Variants in ZNF839 observed in about 807,000 individuals in gnomAD.
The protein encoded by ZNF839 is zinc finger protein 839.
ZNF839 carries 38 observed loss-of-function variants against 56.4 expected under a neutral mutation model. That is an observed-to-expected ratio of 0.67 (90% confidence interval 0.52 to 0.88). ZNF839 has a LOEUF of 0.88. Among genes scored for constraint, ZNF839 ranks in the 40% least tolerant of loss-of-function variants. The pLI is 0.00. For missense variants in ZNF839, 1,091 were observed against 1,177.6 expected (o/e 0.93, Z 1.08); for synonymous variants, 486 against 493.5 (o/e 0.98, Z 0.20).
Position 102,341,742 on chromosome 14 carries a change from C to T in ZNF839, c.2347C>T (p.Gln783Ter), listed in dbSNP as rs1243127398. Reference sequence around the variant, plus strand: ...GGTTTGTGACTTCCACCTGAACCACCAGCAGCCCAGCCCCACCAGCGTCCT... The same window carrying T: ...GGTTTGTGACTTCCACCTGAACCACTAGCAGCCCAGCCCCACCAGCGTCCT... ...GKVCDFHLNHQQPSPTSVLPT... is the reference protein window; with the variant it reads ...GKVCDFHLNH Residue 783 changes from glutamine to a stop codon, truncating the protein, a stop_gained, in exon 8 of 8, where the codon CAG becomes TAG. Coordinates refer to ENST00000442396, the MANE Select transcript of ZNF839 (RefSeq NM_018335.6). LOFTEE classifies it low-confidence loss of function (END_TRUNC). The T allele has an allele frequency of 1.9e-6, 3 of 1,614,006 alleles. No individual in the cohort carries two copies. Among genetic ancestry groups the T allele is most frequent in the South Asian group, 2.2e-5 (2 of 91,084 alleles).
At position 102,338,808 on chromosome 14, in the gene ZNF839, C is replaced by A; in HGVS notation, c.1660-8C>A. 6.2e-7 allele frequency: 1 copy of A among 1,613,514 alleles called. No individual in the cohort carries two copies. The highest frequency in any genetic ancestry group is 8.5e-7 in the Non-Finnish European group (1 of 1,179,674). On this transcript the variant is annotated splice_region_variant and splice_polypyrimidine_tract_variant and intron_variant, in intron 5 of 7. Transcript: ENST00000442396. ...TGAAGTTTATTCTCTTGGCCCATTT[C>A]TTTTCAGGTTGCTGAGTCATTAGGA...
chr14:102,333,925 C>T (rs2073904787), intron 3 of ZNF839, among the ~76,000 whole-genome samples: 1 of 152,236 alleles, frequency 6.6e-6, no homozygotes, highest in South Asian at 2.1e-4. Context: ...TCACTCCTCC[C>T]CATGTCCTGT....
Position 102,335,857 on chromosome 14 carries a change from A to G in ZNF839, c.1659+19A>G. ...TGATAAGGTAACAATCTCCCATGGC[A>G]GAAAGAGTTTTGCTCATAGAGTTAG... On this transcript the variant is annotated intron_variant, in intron 5 of 7. Transcript: ENST00000442396. The G allele has an allele frequency of 6.2e-7, 1 of 1,607,772 alleles. No homozygotes were observed. Among genetic ancestry groups the G allele is most frequent in the Non-Finnish European group, 8.5e-7 (1 of 1,179,450 alleles).
chr14:102,338,900 G>A lies in ZNF839; in HGVS notation c.1744G>A (p.Asp582Asn), dbSNP rs1886161576. ...DNLGPKHLSR[D>N]MDGEQLEGAS... ...CCTTGGACCCAAGCACCTCAGCCGA[G>A]ACATGGATGGGGAGCAGCTAGAGGG... The change falls in exon 6 of 8, where the codon GAC (aspartate) becomes AAC (asparagine). Residue 582 changes from aspartate (D) to asparagine (N), a missense_variant. Around this residue, in one of 3 missense-constraint regions of ZNF839, gnomAD observed 431 missense variants for 468.0 expected, o/e 0.92. Coordinates refer to ENST00000442396, the MANE Select transcript of ZNF839 (RefSeq NM_018335.6). 2.5e-6 allele frequency: 4 copies of A among 1,613,890 alleles called. No homozygotes were observed. Among genetic ancestry groups the A allele is most frequent in the Non-Finnish European group, 3.4e-6 (4 of 1,179,910 alleles).
rs1302687382 is a variant in ZNF839, at chr14:102,326,808, G to T, written c.1112G>T (p.Gly371Val). 3.7e-6 allele frequency: 6 copies of T among 1,611,722 alleles called. No homozygotes were observed. Among genetic ancestry groups the T allele is most frequent in the Non-Finnish European group, 5.1e-6 (6 of 1,179,084 alleles). The change falls in exon 2 of 8, where the codon GGG becomes GTG. Residue 371 changes from glycine (G) to valine (V), a missense_variant. Physicochemically the swap from Gly to Val is moderately radical, Grantham distance 109 (BLOSUM62 -3). Transcript: ENST00000442396. The surrounding 1 kb of genome is among the most constrained non-coding windows in gnomAD (Gnocchi z 4.3). ...AGGACGCTCAGCCTGACCTCCCTGGGGCTGTCCATGCCAGCGGATCCATGT... is the reference window on the plus strand; with the variant it reads ...AGGACGCTCAGCCTGACCTCCCTGGTGCTGTCCATGCCAGCGGATCCATGT... ...EERTLSLTSL[G>V]LSMPADPCEG... is the part of the protein sequence containing the mutation.
intron 6 of ZNF839, 36 bp from the exon 7 acceptor site, chr14:102,339,054 ATTCC>A (rs1567297604): frequency 6.2e-7 from 1 of 1,613,386 alleles, no homozygotes; most frequent in Admixed American, 1.7e-5. Context: ...CGGTTTGCCT[ATTCC>A]TTCCTATTCT....
At chr14:102,324,264 G>A (rs141761379) in intron 1 of ZNF839, among the ~76,000 whole-genome samples, 80 of 152,280 alleles carry the variant, frequency 5.3e-4, no homozygotes, top group Admixed American at 1.0e-3. Flanking sequence ...CATGGGTAAC[G>A]CCGGGCACGG....
intron 1 of ZNF839, among the ~76,000 whole-genome samples, chr14:102,321,880 C>G (rs1354202074): frequency 6.6e-6 from 1 of 152,080 alleles, no homozygotes; most frequent in South Asian, 2.1e-4. Flanking sequence ...ATTTCAACAA[C>G]CACAGCAGAA....
At chr14:102,335,897 G>A in intron 5 of ZNF839, 59 bp downstream of exon 5, 1 of 1,584,666 alleles carries the variant, frequency 6.3e-7, no homozygotes, top group South Asian at 1.1e-5. Flanking sequence ...AAGAAAGAAG[G>A]GCCACGTGCA....
chr14:102,318,718 A>T (rs544708195), upstream of ZNF839, among the ~76,000 whole-genome samples: 2 of 152,170 alleles, frequency 1.3e-5, no homozygotes, highest in African/African-American at 4.8e-5. Context: ...CGTGAATGCA[A>T]TGTGAGTATT....
At chr14:102,320,758 TG>T (rs1297132705) in intron 1 of ZNF839, among the ~76,000 whole-genome samples, 5 of 152,104 alleles carry the variant, frequency 3.3e-5, no homozygotes, top group African/African-American at 1.2e-4. Flanking sequence ...CCTTTCCCAG[TG>T]GGTTTATTTC....
chr14:102,339,200 G>A lies in ZNF839; in HGVS notation c.1904G>A (p.Arg635Lys), dbSNP rs115365685. ...AACAGCAGAGGCCGGGAGAAGCCCA[G>A]GCCCTTGCATGCTTTGGCCGCTGGT... Reference protein sequence around the residue: ...AANSRGREKPRPLHALAAGFS... With the variant: ...AANSRGREKPKPLHALAAGFS... Residue 635 changes from arginine (R) to lysine (K), a missense_variant, in exon 7 of 8, where the codon AGG (arginine) becomes AAG (lysine). Transcript: ENST00000442396. 1,319 of 1,612,042 alleles carry A rather than the reference G, an allele frequency of 8.2e-4. 15 individuals carry two copies. The African/African-American group carries it at 0.016, about 19-fold the overall frequency.
chr14:102,322,155 C>T (rs937664020), intron 1 of ZNF839, among the ~76,000 whole-genome samples: 28 of 152,228 alleles, frequency 1.8e-4, no homozygotes, highest in African/African-American at 6.8e-4. Context: ...CACCTCTGGG[C>T]TGTTCCTGCC....
intron 1 of ZNF839, 30 bp from the exon 2 acceptor site, chr14:102,325,954 CT>C: frequency 6.3e-7 from 1 of 1,598,392 alleles, no homozygotes; most frequent in South Asian, 1.1e-5. Flanking sequence ...CACAATGCTT[CT>C]TTTCTCTTTC....
chr14:102,318,185 C>T (rs1324552722), upstream of ZNF839, among the ~76,000 whole-genome samples: 1 of 152,350 alleles, frequency 6.6e-6, no homozygotes, highest in East Asian at 1.9e-4. Context: ...ATGGATGTCA[C>T]ATCTTTTAAT....
At chr14:102,340,453 G>A (rs1886388795) in intron 7 of ZNF839, among the ~76,000 whole-genome samples, 1 of 151,564 alleles carries the variant, frequency 6.6e-6, no homozygotes, top group South Asian at 2.1e-4. Context: ...TGTATTTTTA[G>A]TAGAGATAGG....
At chr14:102,320,151 G>C in intron 1 of ZNF839, 98 bp downstream of exon 1, 1 of 1,043,952 alleles carries the variant, frequency 9.6e-7, no homozygotes, top group Non-Finnish European at 1.2e-6. Flanking sequence ...GTATCCGCCC[G>C]GGTTAAGACT....
intron 5 of ZNF839, among the ~76,000 whole-genome samples, chr14:102,338,527 G>A (rs1288131518): frequency 1.7e-5 from 2 of 115,542 alleles, no homozygotes; most frequent in East Asian, 5.8e-4. Flanking sequence ...GACAGAGCCA[G>A]ACTCTGTCTC....
rs1457839539 is a variant in ZNF839, at chr14:102,332,391, CCAAAGTGTTGGGATTACAGG to C, written c.1416+548_1416+567del. The stretch of plus-strand genomic sequence containing the variant: ...CTCGTGATCCACCCGCCTTGGCTTC[CCAAAGTGTTGGGATTACAGG>C]CATGAGCCACCATGCCCGGCCTTCA... On this transcript the variant is annotated intron_variant, in intron 3 of 7. Coordinates refer to ENST00000442396, the MANE Select transcript of ZNF839 (RefSeq NM_018335.6). The surrounding 1 kb of genome is among the most constrained non-coding windows in gnomAD (Gnocchi z 4.9). 6.6e-6 allele frequency among the ~76,000 whole-genome samples: 1 copy of C among 152,012 alleles called. No homozygotes were observed. The highest frequency in any genetic ancestry group is 1.5e-5 in the Non-Finnish European group (1 of 68,008).
Sources: allele counts gnomAD v4.1 joint callset (sites outside exome capture counted in the v4.1 genomes callset), GRCh38; gene constraint gnomAD v4.1.1; regional missense constraint gnomAD v4.1.1; non-coding constraint Gnocchi (gnomAD v3.1); transcripts MANE v1.5; gene names NCBI Gene and HGNC (gene_info 2026-07-23, HGNC 2026-07-21).